NYAP1: variants seen among roughly 807,000 people sequenced by gnomAD.
The protein encoded by NYAP1 is neuronal tyrosine phosphorylated phosphoinositide-3-kinase adaptor 1.
NYAP1 carries 20 observed loss-of-function variants against 58.6 expected under a neutral mutation model. The observed-to-expected ratio is 0.34, with a 90% CI of 0.24 to 0.50. The LOEUF is 0.50. NYAP1 is among the 20% of genes least tolerant of loss of function. The pLI is 0.98. For synonymous variants in NYAP1, 572 were observed against 523.1 expected (o/e 1.09, Z -1.27); for missense variants, 1,150 against 1,194.5 (o/e 0.96, Z 0.55).
At position 100,485,927 on chromosome 7, in the gene NYAP1, C is replaced by T. The variant is rs959052863; in HGVS notation, c.68+548C>T. Among the ~76,000 whole-genome samples, 6 of 152,132 alleles carry T rather than the reference C, an allele frequency of 3.9e-5. No individual in the cohort carries two copies. Among genetic ancestry groups the T allele is most frequent in the Non-Finnish European group, 5.9e-5 (4 of 68,020 alleles). ...CCCCTGCAATCCCTGTCTGCCTCCC[C>T]GCTTGCCCTTCCAGGGACCTGGGGC... is the stretch of plus-strand genomic sequence containing the variant. On this transcript the variant is annotated intron_variant, in intron 2 of 6. Coordinates refer to ENST00000300179, the MANE Select transcript of NYAP1 (RefSeq NM_173564.4). This position sits in a 1 kb window ranked among gnomAD's most constrained non-coding sequence, Gnocchi z 5.7.
In NYAP1 at chr7:100,487,116, C is replaced by T; in HGVS notation, c.364C>T (p.Pro122Ser). The part of the protein sequence containing the change: ...RRPPAKPRRH[P>S]STKLSMVGPG... ...ACCCCCTGCCAAGCCCCGGAGACAC[C>T]CCAGCACCAAGCTCAGCATGGTGGG... Residue 122 changes from proline (P) to serine (S), a missense_variant, in exon 3 of 7, where the codon CCC becomes TCC. By Grantham distance (74) the Pro-to-Ser change is moderately conservative. Coordinates refer to ENST00000300179, the MANE Select transcript of NYAP1 (RefSeq NM_173564.4). The surrounding 1 kb of genome is among the most constrained non-coding windows in gnomAD (Gnocchi z 4.1). 1 of 1,576,404 alleles carries T rather than the reference C, an allele frequency of 6.3e-7. No homozygotes were observed. Among genetic ancestry groups the T allele is most frequent in the Non-Finnish European group, 8.6e-7 (1 of 1,161,762 alleles).
rs945419337 is a variant in NYAP1, at chr7:100,489,178, C to T, written c.1457C>T (p.Pro486Leu). 6.2e-7 allele frequency: 1 copy of T among 1,611,112 alleles called. No homozygotes were observed. The highest frequency in any genetic ancestry group is 1.1e-5 in the South Asian group (1 of 90,602). Reference protein sequence around the residue: ...PAGPPLGAGEPKTEKEISVLH... With the variant: ...PAGPPLGAGELKTEKEISVLH... ...GGTCCACCCCTGGGTGCTGGGGAGC[C>T]AAAGACGGAGAAGGAGATCTCGGTC... The change falls in exon 4 of 7, where the codon CCA (proline) becomes CTA (leucine). Residue 486 changes from proline (P) to leucine (L), a missense_variant. Pro to Leu is a moderately conservative substitution (Grantham distance 98, BLOSUM62 -3). Transcript: ENST00000300179.
Position 100,494,039 on chromosome 7 carries a change from C to A in NYAP1, c.*136C>A, listed in dbSNP as rs1260946103. On this transcript the variant is annotated 3_prime_UTR_variant, in exon 7 of 7. Transcript: ENST00000300179. ...GGGAGAACCCCTGCCCTCCAACCTA[C>A]CCCCCGGGATGGGGAGAGTCTGCCA... is the stretch of plus-strand genomic sequence containing the variant. 3 of 760,788 alleles carry A rather than the reference C, an allele frequency of 3.9e-6. No homozygotes were observed. The highest frequency in any genetic ancestry group is 2.2e-5 in the South Asian group (1 of 44,760). The allele number at this position is 760,788 out of a possible 1,614,324, so 47.1% of individuals were successfully genotyped here.
chr7:100,488,144 C>T lies in NYAP1; in HGVS notation c.431-8C>T. ...CTGGTTTATTTTTCTCTTTCTTGTC[C>T]TGTCCAGGCTCACAGAAGCCAACCC... On this transcript the variant is annotated splice_region_variant and splice_polypyrimidine_tract_variant and intron_variant, in intron 3 of 6. Coordinates refer to ENST00000300179, the MANE Select transcript of NYAP1 (RefSeq NM_173564.4). This position sits in a 1 kb window ranked among gnomAD's most constrained non-coding sequence, Gnocchi z 5.9. 1 of 1,568,026 alleles carries T rather than the reference C, an allele frequency of 6.4e-7. No homozygotes were observed. The highest frequency in any genetic ancestry group is 8.6e-7 in the Non-Finnish European group (1 of 1,161,516).
At chr7:100,489,753 G>T in intron 4 of NYAP1, 87 bp downstream of exon 4, 1 of 1,113,012 alleles carries the variant, frequency 9.0e-7, no homozygotes, top group Non-Finnish European at 1.2e-6. Context: ...GGTGTTGGAG[G>T]GGTTATTTGG....
At position 100,488,257 on chromosome 7, in the gene NYAP1, C is replaced by T. The variant is rs150028591; in HGVS notation, c.536C>T (p.Ser179Phe). 4,817 of 1,613,984 alleles carry T rather than the reference C, an allele frequency of 3.0e-3. 11 individuals are homozygous for T. Among genetic ancestry groups the T allele is most frequent in the Non-Finnish European group, 3.7e-3 (4,411 of 1,179,912 alleles). The change falls in exon 4 of 7, where the codon TCC (serine) becomes TTC (phenylalanine). Residue 179 changes from serine (S) to phenylalanine (F), a missense_variant. Coordinates refer to ENST00000300179, the MANE Select transcript of NYAP1 (RefSeq NM_173564.4). The surrounding 1 kb of genome is among the most constrained non-coding windows in gnomAD (Gnocchi z 5.9). The stretch of plus-strand genomic sequence containing the variant: ...CAGCTCTCTGTCTCCTTCGATGAGT[C>T]CTGCCCCCCAGGCCCCTCTCCTCGA... ...NTQLSVSFDESCPPGPSPRGG... is the reference protein window; with the variant it reads ...NTQLSVSFDEFCPPGPSPRGG...
rs1470506980 is a variant in NYAP1 at position 100,485,934 on chromosome 7, C to T, written c.68+555C>T. On this transcript the variant is annotated intron_variant, in intron 2 of 6. Coordinates refer to ENST00000300179, the MANE Select transcript of NYAP1 (RefSeq NM_173564.4). This position sits in a 1 kb window ranked among gnomAD's most constrained non-coding sequence, Gnocchi z 5.7. The stretch of plus-strand genomic sequence containing the variant: ...AATCCCTGTCTGCCTCCCCGCTTGC[C>T]CTTCCAGGGACCTGGGGCCTGGCCT... 1.3e-5 allele frequency among the ~76,000 whole-genome samples: 2 copies of T among 152,164 alleles called. No individual in the cohort carries two copies. Among genetic ancestry groups the T allele is most frequent in the Non-Finnish European group, 2.9e-5 (2 of 68,034 alleles).
At position 100,490,028 on chromosome 7, in the gene NYAP1, G is replaced by A. The variant is rs1290322317; in HGVS notation, c.1945+362G>A. Among the ~76,000 whole-genome samples the A allele has an allele frequency of 6.6e-6, 1 of 152,060 alleles. No individual in the cohort carries two copies. The highest frequency in any genetic ancestry group is 2.4e-5 in the African/African-American group (1 of 41,400). ...ACCATGGCAACCCATCCAGACAGGA[G>A]GGAGAGGAGAGGGAGGCCCCTACCG... On this transcript the variant is annotated intron_variant, in intron 4 of 6. Transcript: ENST00000300179. The surrounding 1 kb of genome is among the most constrained non-coding windows in gnomAD (Gnocchi z 4.6).
At position 100,493,659 on chromosome 7, in the gene NYAP1, T is replaced by TGCCGCTGCCTCTGCCCCTGCC; in HGVS notation, c.2286_2306dup (p.Leu763_Pro769dup). The TGCCGCTGCCTCTGCCCCTGCC allele has an allele frequency of 6.3e-7, 1 of 1,581,854 alleles. No homozygotes were observed. Among genetic ancestry groups the TGCCGCTGCCTCTGCCCCTGCC allele is most frequent in the Non-Finnish European group, 8.5e-7 (1 of 1,169,882 alleles). On this transcript the variant is annotated inframe_insertion, in exon 7 of 7. Transcript: ENST00000300179. ...CCCGCGGCACAGCCCCACCCCGCGC[T>TGCCGCTGCCTCTGCCCCTGCC]GCCGCTGCCTCTGCCCCTGCCGCCC...
rs181839139 is a variant in NYAP1 at position 100,487,587 on chromosome 7, C to T, written c.430+405C>T. Among the ~76,000 whole-genome samples, 811 of 152,244 alleles carry T rather than the reference C, an allele frequency of 5.3e-3. 2 individuals are homozygous for T. The highest frequency in any genetic ancestry group is 7.6e-3 in the Non-Finnish European group (518 of 68,000). ...TGCGATCTCAGCTCACTGCATCCTC[C>T]GCCTCCCAGGTTCAAGCAGTTCTCC... is the stretch of plus-strand genomic sequence containing the variant. On this transcript the variant is annotated intron_variant, in intron 3 of 6. Coordinates refer to ENST00000300179, the MANE Select transcript of NYAP1 (RefSeq NM_173564.4). This position sits in a 1 kb window ranked among gnomAD's most constrained non-coding sequence, Gnocchi z 4.1.
rs138038785 is a variant in NYAP1 at position 100,488,649 on chromosome 7, C to T, written c.928C>T (p.Arg310Trp). 2.0e-5 allele frequency: 33 copies of T among 1,610,104 alleles called. No homozygotes were observed. Among genetic ancestry groups the T allele is most frequent in the South Asian group, 7.7e-5 (7 of 90,906 alleles). Residue 310 changes from arginine to tryptophan, a missense_variant, in exon 4 of 7, where the codon CGG (arginine) becomes TGG (tryptophan). Arg to Trp is a moderately radical substitution (Grantham distance 101). Transcript: ENST00000300179. This position sits in a 1 kb window ranked among gnomAD's most constrained non-coding sequence, Gnocchi z 5.9. ...CCGCCCAGCTTCAGCCCTCCCGAGC[C>T]GGAGGGACGGGACGCCCACCAAGAC... ...HRRPASALPS[R>W]RDGTPTKTTP...
chr7:100,490,456 C>T lies in NYAP1; in HGVS notation c.1946-61C>T. The T allele has an allele frequency of 6.8e-7, 1 of 1,471,454 alleles. No homozygotes were observed. The highest frequency in any genetic ancestry group is 1.7e-4 in the Middle Eastern group (1 of 5,818). The allele number at this position is 1,471,454 out of a possible 1,614,324, so 91.1% of individuals were successfully genotyped here. ...CCACCCATACTGCAGCATGTGTGGC[C>T]AGAGGGACAGAATGACGCCTCCAAC... On this transcript the variant is annotated intron_variant, in intron 4 of 6. Coordinates refer to ENST00000300179, the MANE Select transcript of NYAP1 (RefSeq NM_173564.4). This position sits in a 1 kb window ranked among gnomAD's most constrained non-coding sequence, Gnocchi z 4.6.
At position 100,490,623 on chromosome 7, in the gene NYAP1, G is replaced by A; in HGVS notation, c.2052G>A (p.Gln684=). 6.4e-7 allele frequency: 1 copy of A among 1,573,254 alleles called. No homozygotes were observed. Among genetic ancestry groups the A allele is most frequent in the Non-Finnish European group, 8.6e-7 (1 of 1,159,562 alleles). The change falls in exon 5 of 7, where the codon CAG becomes CAA. Residue 684 remains glutamine (Q), a synonymous_variant. Coordinates refer to ENST00000300179, the MANE Select transcript of NYAP1 (RefSeq NM_173564.4). This position sits in a 1 kb window ranked among gnomAD's most constrained non-coding sequence, Gnocchi z 4.6. ...PGTSGIPVRS[Q]GAEGLLARIH... ...CATCGGGGATCCCAGTGAGAAGCCA[G>A]GGGGCAGAGGGACTGCTGGCCAGGA...
chr7:100,489,565 C>A lies in NYAP1; in HGVS notation c.1844C>A (p.Pro615Gln). Reference protein sequence around the residue: ...CAHVIASAGTPEEEEEEVGAA... With the variant: ...CAHVIASAGTQEEEEEEVGAA... ...CACGTCATCGCCAGCGCAGGGACACCAGAGGAGGAAGAAGAGGAGGTGGGC... is the reference window on the plus strand; with the variant it reads ...CACGTCATCGCCAGCGCAGGGACACAAGAGGAGGAAGAAGAGGAGGTGGGC... Residue 615 changes from proline (P) to glutamine (Q), a missense_variant, in exon 4 of 7, where the codon CCA becomes CAA. Coordinates refer to ENST00000300179, the MANE Select transcript of NYAP1 (RefSeq NM_173564.4). 6.2e-7 allele frequency: 1 copy of A among 1,613,236 alleles called. No individual in the cohort carries two copies.
rs574541316 is a variant in NYAP1 at position 100,488,085 on chromosome 7, T to G, written c.431-67T>G. On this transcript the variant is annotated intron_variant, in intron 3 of 6. Transcript: ENST00000300179. The surrounding 1 kb of genome is among the most constrained non-coding windows in gnomAD (Gnocchi z 5.9). ...TTGCAGAAGGGTCAAGGGATCAGAA[T>G]GGGCTCCTCCCACTTGCTCCCCTCA... 2.8e-5 allele frequency: 34 copies of G among 1,221,346 alleles called. No individual in the cohort carries two copies. The East Asian group carries it at 7.8e-4, about 28-fold the overall frequency. The allele number at this position is 1,221,346 out of a possible 1,614,324, so 75.7% of individuals were successfully genotyped here. A position where few individuals can be genotyped will look rare whatever the true frequency, so the allele number is the denominator to read the frequency against.
chr7:100,484,840 A>G (rs1236670615), intron 1 of NYAP1, among the ~76,000 whole-genome samples: 1 of 151,950 alleles, frequency 6.6e-6, no homozygotes, highest in African/African-American at 2.4e-5. Context: ...CTGTTTACCT[A>G]TGCCAATCTC....
rs892951562 is a variant in NYAP1, at chr7:100,487,721, A to G, written c.431-431A>G. On this transcript the variant is annotated intron_variant, in intron 3 of 6. Coordinates refer to ENST00000300179, the MANE Select transcript of NYAP1 (RefSeq NM_173564.4). This position sits in a 1 kb window ranked among gnomAD's most constrained non-coding sequence, Gnocchi z 4.1. ...TTTCGTCTTGTTGGCCAGGCTGACA[A>G]GGCCAGGCTTGCTGGCCTCAGGTGA... is the stretch of plus-strand genomic sequence containing the variant. 6.6e-6 allele frequency among the ~76,000 whole-genome samples: 1 copy of G among 152,218 alleles called. No individual in the cohort carries two copies. Among genetic ancestry groups the G allele is most frequent in the African/African-American group, 2.4e-5 (1 of 41,464 alleles).
chr7:100,494,011 C>G lies in NYAP1; in HGVS notation c.*108C>G, dbSNP rs576942485. ...CATTGAAAGACTACGTGGGAGAGTG[C>G]CAGGGAGAACCCCTGCCCTCCAACC... On this transcript the variant is annotated 3_prime_UTR_variant, in exon 7 of 7. Coordinates refer to ENST00000300179, the MANE Select transcript of NYAP1 (RefSeq NM_173564.4). The G allele has an allele frequency of 2.1e-4, 213 of 1,001,822 alleles. 3 individuals are homozygous for G. In the South Asian group the frequency reaches 3.9e-3, roughly 18 times the overall value. The allele number at this position is 1,001,822 out of a possible 1,614,324, so 62.1% of individuals were successfully genotyped here. A position where few individuals can be genotyped will look rare whatever the true frequency, so the allele number is the denominator to read the frequency against.
rs1052831134 is a variant in NYAP1, at chr7:100,487,787, G to A, written c.431-365G>A. ...CTCCCAGAGTGCTGGGATTACAGGC[G>A]TGAGCCACTGTGCTTGGCCAATTAA... On this transcript the variant is annotated intron_variant, in intron 3 of 6. Transcript: ENST00000300179. This position sits in a 1 kb window ranked among gnomAD's most constrained non-coding sequence, Gnocchi z 4.1. 2.6e-5 allele frequency among the ~76,000 whole-genome samples: 4 copies of A among 152,204 alleles called. No homozygotes were observed. In the East Asian group the frequency reaches 5.8e-4, roughly 22 times the overall value.
Sources: allele counts gnomAD v4.1 joint callset (sites outside exome capture counted in the v4.1 genomes callset), GRCh38; gene constraint gnomAD v4.1.1; non-coding constraint Gnocchi (gnomAD v3.1); transcripts MANE v1.5; gene names NCBI Gene and HGNC (gene_info 2026-07-23, HGNC 2026-07-21).